The following LAMA3 variants were observed in gnomAD, a reference collection of about 807,000 sequenced individuals.
LAMA3 encodes the protein laminin subunit alpha-3.
LAMA3 carries 281 observed loss-of-function variants against 402.0 expected under a neutral mutation model. The observed-to-expected ratio is 0.70, with a 90% CI of 0.63 to 0.77. LAMA3 has a LOEUF of 0.77. LAMA3 is among the 30% of genes least tolerant of loss of function. LAMA3 has a pLI of 0.00. For missense variants in LAMA3, 3,840 were observed against 4,215.5 expected, an observed-to-expected ratio of 0.91 and a Z score of 2.47; for synonymous variants, 1,431 against 1,558.4, an observed-to-expected ratio of 0.92 and a Z score of 1.93.
At chr18:23,720,822 C>T (rs139298912) in intron 2 of LAMA3, among the ~76,000 whole-genome samples, 1 of 152,210 alleles carries the variant, frequency 6.6e-6, no homozygotes, top group East Asian at 1.9e-4. Flanking sequence ...GTAATTTATA[C>T]ATTAGGAAGA....
intron 37 of LAMA3, 124 bp from the exon 38 acceptor site, chr18:23,871,307 A>T: frequency 2.6e-6 from 2 of 762,120 alleles, no homozygotes; most frequent in Non-Finnish European, 4.6e-6. Flanking sequence ...TCCCCGTCTT[A>T]TTTCATTTCT....
intron 74 of LAMA3, 27 bp from the exon 75 acceptor site, chr18:23,954,476 T>G (rs772538961): frequency 6.2e-7 from 1 of 1,605,928 alleles, no homozygotes; most frequent in South Asian, 1.1e-5. Context: ...AATTATTTAC[T>G]GAATGCCTCT....
chr18:23,916,005 CCAAAAAAAAAAAAAAA>C (rs1256816288), intron 59 of LAMA3, among the ~76,000 whole-genome samples: 1 of 41,946 alleles, frequency 2.4e-5, no homozygotes, highest in Non-Finnish European at 3.6e-5. Context: ...GACTCCATCT[CCAAAAAAAAAAAAAAA>C]AAAAAAAAAA....
chr18:23,834,429 A>C, intron 24 of LAMA3: 1 of 167,220 alleles, frequency 6.0e-6, no homozygotes, highest in Non-Finnish European at 1.3e-5. Context: ...GGGATAATTA[A>C]TGTTTGATGA....
intron 8 of LAMA3, among the ~76,000 whole-genome samples, chr18:23,763,943 C>T (rs2062026230): frequency 6.6e-6 from 1 of 152,156 alleles, no homozygotes; most frequent in South Asian, 2.1e-4. Context: ...TTAATGATGT[C>T]TTTCATAGAC....
rs775084106 is a variant in LAMA3 at position 23,816,457 on chromosome 18, G to A, written c.2117G>A (p.Arg706Gln). The A allele has an allele frequency of 1.5e-5, 24 of 1,613,954 alleles. No individual in the cohort carries two copies. Among genetic ancestry groups the A allele is most frequent in the East Asian group, 6.7e-5 (3 of 44,884 alleles). Reference sequence around the variant, plus strand: ...GGGCCCTCGGGAGTGTGCCAGTGCCGAGAGCATGTCGTGGGAAAGGTGTGC... The same window carrying A: ...GGGCCCTCGGGAGTGTGCCAGTGCCAAGAGCATGTCGTGGGAAAGGTGTGC... ...CSGPSGVCQC[R>Q]EHVVGKVCQR... The change falls in exon 18 of 75, where the codon CGA becomes CAA. Residue 706 changes from arginine to glutamine, a missense_variant. Transcript: ENST00000313654.
At position 23,826,762 on chromosome 18, in the gene LAMA3, A is replaced by G; in HGVS notation, c.2632A>G (p.Thr878Ala). The G allele has an allele frequency of 6.4e-7, 1 of 1,567,876 alleles. No individual in the cohort carries two copies. ...YEASVLQLPV[T>A]EPCAYAGPPQ... ...AGCCTCTGTACTGCAGCTGCCAGTC[A>G]CAGAACCATGTGCCTACGCAGGACC... Residue 878 changes from threonine (T) to alanine (A), a missense_variant, in exon 22 of 75, where the codon ACA becomes GCA. Around this residue, in one of 3 missense-constraint regions of LAMA3, gnomAD observed 2,109 missense variants for 2,376.0 expected, o/e 0.89. Transcript: ENST00000313654.
rs2145061312 is a variant in LAMA3, at chr18:23,894,921, G to C, written c.5476G>C (p.Val1826Leu). The C allele has an allele frequency of 6.2e-7, 1 of 1,614,186 alleles. No individual in the cohort carries two copies. The highest frequency in any genetic ancestry group is 1.6e-4 in the Middle Eastern group (1 of 6,062). Residue 1826 changes from valine to leucine, a missense_variant, in exon 44 of 75, where the codon GTG (valine) becomes CTG (leucine). Around this residue, in one of 3 missense-constraint regions of LAMA3, gnomAD observed 891 missense variants for 857.5 expected, o/e 1.04. Transcript: ENST00000313654. ...AEECDDCDSC[V>L]MTLLNDLATM... ...GGCCCCTACAGATTGCGACAGCTGT[G>C]TGATGACCCTCCTGAACGACCTGGC...
chr18:23,793,206 C>T (rs971049057), intron 12 of LAMA3, among the ~76,000 whole-genome samples: 1 of 151,966 alleles, frequency 6.6e-6, no homozygotes, highest in Non-Finnish European at 1.5e-5. Flanking sequence ...GTGATTAGGG[C>T]AGGGAATACC....
In LAMA3 at chr18:23,810,461, G is replaced by A; in HGVS notation, c.1699G>A (p.Asp567Asn). ...GCCAGGAGTTACAGGACAGCGGTGT[G>A]ACAGGTGTCTCTCAGGAGCTTATGA... is the stretch of plus-strand genomic sequence containing the variant. ...CRPGVTGQRC[D>N]RCLSGAYDFP... The change falls in exon 13 of 75, where the codon GAC becomes AAC. Residue 567 changes from aspartate to asparagine, a missense_variant. Physicochemically the swap from Asp to Asn is conservative, Grantham distance 23 (BLOSUM62 1). Coordinates refer to ENST00000313654, the MANE Select transcript of LAMA3 (RefSeq NM_198129.4). 1 of 1,614,144 alleles carries A rather than the reference G, an allele frequency of 6.2e-7. No individual in the cohort carries two copies. The highest frequency in any genetic ancestry group is 8.5e-7 in the Non-Finnish European group (1 of 1,180,006).
chr18:23,751,680 T>C (rs985735665), intron 5 of LAMA3, among the ~76,000 whole-genome samples: 1 of 152,232 alleles, frequency 6.6e-6, no homozygotes, highest in Admixed American at 6.5e-5. Flanking sequence ...TGATGTCATC[T>C]AGCTGAAATG....
chr18:23,902,351 C>T (rs1346081893), intron 48 of LAMA3, among the ~76,000 whole-genome samples: 2 of 151,862 alleles, frequency 1.3e-5, no homozygotes, highest in Non-Finnish European at 2.9e-5. Context: ...AAATTAAAAA[C>T]AACAAAAATA....
intron 11 of LAMA3, among the ~76,000 whole-genome samples, chr18:23,782,536 G>A (rs1161237849): frequency 6.6e-6 from 1 of 152,080 alleles, no homozygotes; most frequent in Non-Finnish European, 1.5e-5. Context: ...CTGGGCGATA[G>A]AATGAAACTC....
At chr18:23,946,081 A>G in intron 69 of LAMA3, 63 bp from the exon 70 acceptor site, 1 of 1,519,136 alleles carries the variant, frequency 6.6e-7, no homozygotes, top group South Asian at 1.1e-5. Context: ...CTAATATTTA[A>G]TAAAATACAA....
chr18:23,816,156 T>TGTTTTG lies in LAMA3; in HGVS notation c.2048-214_2048-209dup, dbSNP rs919517852. Among the ~76,000 whole-genome samples, 6 of 152,222 alleles carry TGTTTTG rather than the reference T, an allele frequency of 3.9e-5. No individual in the cohort carries two copies. The South Asian group carries it at 6.2e-4, about 16-fold the overall frequency. On this transcript the variant is annotated intron_variant, in intron 17 of 74. Coordinates refer to ENST00000313654, the MANE Select transcript of LAMA3 (RefSeq NM_198129.4). ...ACCATTTTAATTTTGTTTTTGTTTT[T>TGTTTTG]GTTTTGGTTTTGGTTTTGGTTTTTG...
chr18:23,710,150 C>T (rs1450029159), intron 1 of LAMA3: 4 of 691,440 alleles, frequency 5.8e-6, no homozygotes, highest in East Asian at 3.0e-5. Context: ...CGTGGGCCGC[C>T]GGAAGGTGGG....
At chr18:23,869,053 A>G (rs2064438379) in intron 37 of LAMA3, among the ~76,000 whole-genome samples, 1 of 152,258 alleles carries the variant, frequency 6.6e-6, no homozygotes, top group Admixed American at 6.5e-5. Context: ...GTATGATTCT[A>G]TTTATGTGAG....
chr18:23,784,176 G>T lies in LAMA3; in HGVS notation c.1603+19G>T, dbSNP rs770793475. On this transcript the variant is annotated intron_variant, in intron 12 of 74. Transcript: ENST00000313654. ...TGCCAAGGTAAGTGGGCAGAACATAGCATATTCATAATCAATCCCTCAAGA... is the reference window on the plus strand; with the variant it reads ...TGCCAAGGTAAGTGGGCAGAACATATCATATTCATAATCAATCCCTCAAGA... 1 of 1,613,904 alleles carries T rather than the reference G, an allele frequency of 6.2e-7. No homozygotes were observed. Among genetic ancestry groups the T allele is most frequent in the Non-Finnish European group, 8.5e-7 (1 of 1,179,838 alleles).
intron 2 of LAMA3, among the ~76,000 whole-genome samples, chr18:23,744,831 C>CACA: frequency 3.2e-5 from 1 of 31,084 alleles, no homozygotes; most frequent in African/African-American, 9.9e-5. Context: ...GACTCTGTCT[C>CACA]AAAAAAAAAA....
Sources: allele counts gnomAD v4.1 joint callset (sites outside exome capture counted in the v4.1 genomes callset), GRCh38; gene constraint gnomAD v4.1.1; regional missense constraint gnomAD v4.1.1; transcripts MANE v1.5; gene names NCBI Gene and HGNC (gene_info 2026-07-23, HGNC 2026-07-21).